Variants in SOS2 observed in about 807,000 individuals in gnomAD.
SOS2 encodes SOS Ras/Rho guanine nucleotide exchange factor 2, also known as son of sevenless homolog 2.
Under a neutral mutation model 148.2 loss-of-function variants are expected in SOS2, and 65 were observed. That is an observed-to-expected ratio of 0.44 (90% CI 0.36 to 0.54). The LOEUF (loss-of-function observed/expected upper bound fraction) is 0.54, where lower values mean the gene tolerates loss of function less well. Ranked by LOEUF, SOS2 falls within the 20% of genes least tolerant of loss-of-function variation. SOS2 has a pLI of 0.00. For missense variants in SOS2, 1,341 were observed against 1,590.2 expected, an observed-to-expected ratio of 0.84 and a Z score of 2.67; for synonymous variants, 539 against 537.1, an observed-to-expected ratio of 1.00 and a Z score of -0.05.
intron 5 of SOS2, among the ~76,000 whole-genome samples, chr14:50,182,847 T>G (rs1348069725): frequency 1.3e-5 from 2 of 152,202 alleles, no homozygotes; most frequent in Admixed American, 1.3e-4. Flanking sequence ...AAGCCCCAAC[T>G]TTGGGGCTTA....
At chr14:50,154,153 G>A (rs887804497) in intron 12 of SOS2, among the ~76,000 whole-genome samples, 10 of 152,124 alleles carry the variant, frequency 6.6e-5, no homozygotes, top group Admixed American at 1.3e-4. Flanking sequence ...TAGTAGGCAA[G>A]CCATGGAAAG....
At chr14:50,150,364 C>G (rs932017461) in intron 13 of SOS2, 134 bp from the exon 14 acceptor site, 1 of 649,552 alleles carries the variant, frequency 1.5e-6, no homozygotes, top group African/African-American at 1.8e-5. Context: ...TCTAACCCTA[C>G]TCATGCCATC....
intron 4 of SOS2, among the ~76,000 whole-genome samples, chr14:50,194,350 GCTAA>G: frequency 6.6e-6 from 1 of 151,304 alleles, no homozygotes; most frequent in East Asian, 1.9e-4. Flanking sequence ...TGAAATAATA[GCTAA>G]CTAAAAGGCA....
Position 50,145,222 on chromosome 14 carries a change from A to C in SOS2, c.2615T>G (p.Ile872Arg). 1 of 1,611,618 alleles carries C rather than the reference A, an allele frequency of 6.2e-7. No homozygotes were observed. Among genetic ancestry groups the C allele is most frequent in the Admixed American group, 1.7e-5 (1 of 59,962 alleles). ...TGACACTGAATTTACTGCACTGACT[A>C]TCTCCAATACGCCATTGAAATTATT... ...DLNNFNGVLEIVSAVNSVSVY... is the reference protein window; with the variant it reads ...DLNNFNGVLERVSAVNSVSVY... Residue 872 changes from isoleucine to arginine, a missense_variant, in exon 16 of 23, where the codon ATA becomes AGA. Coordinates refer to ENST00000216373, the MANE Select transcript of SOS2 (RefSeq NM_006939.4).
intron 8 of SOS2, among the ~76,000 whole-genome samples, chr14:50,169,023 A>C (rs890757492): frequency 6.6e-6 from 1 of 152,212 alleles, no homozygotes. Context: ...TTCAAAGTAC[A>C]TTGTTAGGCC....
At chr14:50,195,429 T>C (rs1274324227) in intron 4 of SOS2, among the ~76,000 whole-genome samples, 3 of 151,922 alleles carry the variant, frequency 2.0e-5, no homozygotes, top group Non-Finnish European at 2.9e-5. Context: ...ATTTAGGACA[T>C]GGAAAAATGC....
intron 4 of SOS2, among the ~76,000 whole-genome samples, chr14:50,197,490 AAGAGAAAACAAC>A (rs1886347194): frequency 6.6e-6 from 1 of 152,130 alleles, no homozygotes; most frequent in Non-Finnish European, 1.5e-5. Flanking sequence ...GATTCTAACC[AAGAGAAAACAAC>A]AGAGAAAACC....
chr14:50,168,607 T>C (rs1477624789), intron 8 of SOS2, among the ~76,000 whole-genome samples: 1 of 152,220 alleles, frequency 6.6e-6, no homozygotes, highest in Non-Finnish European at 1.5e-5. Context: ...AGGAGTTCTT[T>C]ATGTATTCTG....
intron 4 of SOS2, 88 bp from the exon 5 acceptor site, chr14:50,188,788 A>G: frequency 1.1e-6 from 1 of 899,286 alleles, no homozygotes; most frequent in Non-Finnish European, 1.7e-6. Context: ...ATACGTTATT[A>G]AACAGGGCTG....
At chr14:50,187,857 G>A (rs1210923967) in intron 5 of SOS2, among the ~76,000 whole-genome samples, 1 of 151,992 alleles carries the variant, frequency 6.6e-6, no homozygotes, top group Non-Finnish European at 1.5e-5. Context: ...ACTGCCTTAA[G>A]GTACTTACCA....
intron 1 of SOS2, among the ~76,000 whole-genome samples, chr14:50,206,576 T>C (rs1012238026): frequency 6.6e-6 from 1 of 152,222 alleles, no homozygotes; most frequent in Non-Finnish European, 1.5e-5. Context: ...AATGCAACCA[T>C]CCATTATTTT....
intron 4 of SOS2, among the ~76,000 whole-genome samples, chr14:50,193,134 A>AT (rs545868116): frequency 2.0e-5 from 3 of 151,624 alleles, no homozygotes; most frequent in African/African-American, 7.3e-5. Context: ...CCCAGCTAAT[A>AT]TTTTTTTTAT....
intron 16 of SOS2, among the ~76,000 whole-genome samples, chr14:50,144,658 G>A (rs1354863761): frequency 6.6e-6 from 1 of 151,940 alleles, no homozygotes; most frequent in East Asian, 1.9e-4. Context: ...GGTTGGTTTC[G>A]AACTCCTGAG....
intron 8 of SOS2, among the ~76,000 whole-genome samples, chr14:50,163,263 T>G (rs1344765399): frequency 6.6e-6 from 1 of 151,872 alleles, no homozygotes; most frequent in East Asian, 1.9e-4. Flanking sequence ...TTTAAAAACT[T>G]AAATCTATTT....
intron 6 of SOS2, among the ~76,000 whole-genome samples, chr14:50,181,419 G>C (rs1885732447): frequency 1.4e-5 from 2 of 144,846 alleles, no homozygotes; most frequent in South Asian, 2.2e-4. Flanking sequence ...TTGCACTCTA[G>C]AATGGGTGAC....
chr14:50,161,185 T>C (rs1242203126), intron 9 of SOS2, among the ~76,000 whole-genome samples: 1 of 148,710 alleles, frequency 6.7e-6, no homozygotes, highest in Non-Finnish European at 1.5e-5. Flanking sequence ...TCCAGTTACT[T>C]GGGAGGCGAA....
At chr14:50,205,781 G>A (rs1355034395) in intron 1 of SOS2, among the ~76,000 whole-genome samples, 1 of 152,008 alleles carries the variant, frequency 6.6e-6, no homozygotes, top group Non-Finnish European at 1.5e-5. Flanking sequence ...TTAGCTGGGT[G>A]TGGTGGCACG....
chr14:50,161,455 T>C (rs1238840431), intron 9 of SOS2, 27 bp downstream of exon 9: 1 of 1,597,900 alleles, frequency 6.3e-7, no homozygotes, highest in Non-Finnish European at 8.5e-7. Context: ...AGCAGAGGCA[T>C]TCACGTTTTC....
At chr14:50,160,449 C>T (rs1194417951) in intron 9 of SOS2, among the ~76,000 whole-genome samples, 7 of 126,706 alleles carry the variant, frequency 5.5e-5, no homozygotes, top group African/African-American at 1.3e-4. Flanking sequence ...TGCAATGGCA[C>T]GATCTTGGCT....
Sources: allele counts gnomAD v4.1 joint callset (sites outside exome capture counted in the v4.1 genomes callset), GRCh38; gene constraint gnomAD v4.1.1; transcripts MANE v1.5; gene names NCBI Gene and HGNC (gene_info 2026-07-23, HGNC 2026-07-21).